The following DOK5 variants were observed in gnomAD, a reference collection of about 807,000 sequenced individuals.
DOK5 encodes the protein downstream of tyrosine kinase 5.
DOK5 carries 27 observed loss-of-function variants against 43.3 expected under a neutral mutation model. That is an observed-to-expected ratio of 0.62 (90% CI 0.46 to 0.86). The LOEUF (loss-of-function observed/expected upper bound fraction) is 0.86. Among genes scored for constraint, DOK5 ranks in the 40% least tolerant of loss-of-function variants. The pLI is 0.00. For missense variants in DOK5, 373 were observed against 392.9 expected (o/e 0.95, Z 0.43); for synonymous variants, 146 against 140.1 (o/e 1.04, Z -0.30).
chr20:54,572,206 G>C (rs1434028702), intron 2 of DOK5, among the ~76,000 whole-genome samples: 1 of 151,628 alleles, frequency 6.6e-6, no homozygotes, highest in Non-Finnish European at 1.5e-5. Context: ...TGTTGCCCAG[G>C]CTGGAGTGCA....
At chr20:54,531,764 G>T (rs1386333070) in intron 1 of DOK5, among the ~76,000 whole-genome samples, 4 of 152,178 alleles carry the variant, frequency 2.6e-5, no homozygotes, top group East Asian at 1.9e-4. Flanking sequence ...TATTCTTTAA[G>T]TTGGGGATTC....
At chr20:54,591,869 T>A (rs532319986) in intron 5 of DOK5, 64 bp downstream of exon 5, 2 of 1,448,044 alleles carry the variant, frequency 1.4e-6, no homozygotes, top group Non-Finnish European at 9.4e-7. Context: ...ATTTTTACCA[T>A]GCTCGCATCA....
At chr20:54,594,064 A>T (rs965351341) in intron 5 of DOK5, among the ~76,000 whole-genome samples, 3 of 152,222 alleles carry the variant, frequency 2.0e-5, no homozygotes, top group African/African-American at 7.2e-5. Flanking sequence ...TACCTGCATG[A>T]TGAAACAATC....
chr20:54,483,771 T>C (rs1981820086), intron 1 of DOK5, among the ~76,000 whole-genome samples: 1 of 152,236 alleles, frequency 6.6e-6, no homozygotes, highest in Non-Finnish European at 1.5e-5. Flanking sequence ...ATGTTTAAAT[T>C]AAAATAGCTT....
In DOK5 at chr20:54,643,585, G is replaced by A. The variant is rs139111389; in HGVS notation, c.856+7G>A. The A allele has an allele frequency of 1.4e-4, 220 of 1,611,218 alleles. No individual in the cohort carries two copies. In the African/African-American group the frequency reaches 2.3e-3, roughly 17 times the overall value. ...CAGCTCTACCGCTTGCAAGGTAAGCGTGGGGCTACCTGTGTCCAGGGTGTG... is the reference window on the plus strand; with the variant it reads ...CAGCTCTACCGCTTGCAAGGTAAGCATGGGGCTACCTGTGTCCAGGGTGTG... On this transcript the variant is annotated splice_region_variant and intron_variant, in intron 7 of 7. Coordinates refer to ENST00000262593, the MANE Select transcript of DOK5 (RefSeq NM_018431.5).
At chr20:54,600,759 G>A (rs1986277621) in intron 5 of DOK5, among the ~76,000 whole-genome samples, 1 of 152,192 alleles carries the variant, frequency 6.6e-6, no homozygotes, top group South Asian at 2.1e-4. Flanking sequence ...CACATGACCT[G>A]AAGCCGTTAT....
At chr20:54,559,827 T>C (rs1199997229) in intron 2 of DOK5, among the ~76,000 whole-genome samples, 1 of 152,258 alleles carries the variant, frequency 6.6e-6, no homozygotes, top group Non-Finnish European at 1.5e-5. Context: ...GGGATGATCG[T>C]TTCTACTTTA....
chr20:54,554,894 A>G lies in DOK5; in HGVS notation c.67-39A>G, dbSNP rs746303873. 4.0e-6 allele frequency: 5 copies of G among 1,264,026 alleles called. No individual in the cohort carries two copies. In the Admixed American group the frequency reaches 6.8e-5, roughly 17 times the overall value. 78.3% of individuals were successfully genotyped at this position (1,264,026 alleles called of 1,614,324 possible). ...AAACATTTAAATGCAAATGTCAGTC[A>G]GGGGAGATGCTGAGCTCAGTCTTTG... is the stretch of plus-strand genomic sequence containing the variant. On this transcript the variant is annotated intron_variant, in intron 1 of 7. Transcript: ENST00000262593.
At chr20:54,621,081 G>C (rs1405536101) in intron 6 of DOK5, among the ~76,000 whole-genome samples, 1 of 152,148 alleles carries the variant, frequency 6.6e-6, no homozygotes, top group Non-Finnish European at 1.5e-5. Context: ...GGAAATGAAT[G>C]GATATGAGGC....
intron 6 of DOK5, among the ~76,000 whole-genome samples, chr20:54,626,992 C>A (rs1978332766): frequency 6.6e-6 from 1 of 152,174 alleles, no homozygotes; most frequent in South Asian, 2.1e-4. Flanking sequence ...GATGGTGTGG[C>A]CTGCAAAGCC....
intron 1 of DOK5, among the ~76,000 whole-genome samples, chr20:54,503,356 G>A (rs1253194608): frequency 6.6e-6 from 1 of 152,158 alleles, no homozygotes; most frequent in African/African-American, 2.4e-5. Flanking sequence ...TATTGGAAAA[G>A]TAGTATAATC....
rs1311866409 is a variant in DOK5, at chr20:54,518,369, G to A, written c.67-36564G>A. On this transcript the variant is annotated intron_variant, in intron 1 of 7. Transcript: ENST00000262593. ...AATTCCCACCTATGAGTGAGAACAT[G>A]TGGTGTTTGGTTTTTTGTCCTTGTG... Among the ~76,000 whole-genome samples the A allele has an allele frequency of 2.6e-5, 4 of 151,608 alleles. No individual in the cohort carries two copies. In the East Asian group the frequency reaches 5.8e-4, roughly 22 times the overall value.
At chr20:54,549,283 A>G (rs1984446664) in intron 1 of DOK5, among the ~76,000 whole-genome samples, 1 of 152,198 alleles carries the variant, frequency 6.6e-6, no homozygotes, top group African/African-American at 2.4e-5. Context: ...ATATTTAACA[A>G]TTATCCTGAG....
chr20:54,527,162 T>TCTGTTTGA (rs1355550335), intron 1 of DOK5, among the ~76,000 whole-genome samples: 1 of 152,132 alleles, frequency 6.6e-6, no homozygotes, highest in Non-Finnish European at 1.5e-5. Flanking sequence ...ATATATGGGG[T>TCTGTTTGA]CTGTTTGACC....
chr20:54,646,840 ATTATGGGTTGT>A (rs1216527347), intron 7 of DOK5, among the ~76,000 whole-genome samples: 1 of 149,684 alleles, frequency 6.7e-6, no homozygotes, highest in Non-Finnish European at 1.5e-5. Context: ...TTTGCTGATG[ATTATGGGTTGT>A]AATTCCTCTG....
intron 5 of DOK5, among the ~76,000 whole-genome samples, chr20:54,597,419 C>T (rs964571743): frequency 2.6e-5 from 4 of 152,152 alleles, no homozygotes; most frequent in Non-Finnish European, 5.9e-5. Context: ...GGTTGAGAAA[C>T]CCTACTCTAG....
In DOK5 at chr20:54,523,113, G is replaced by A. The variant is rs186451709; in HGVS notation, c.67-31820G>A. ...AAGAGAAAGGCTTGTATTTCCTATT[G>A]GCTTCAGGGAGAAAGTTCTAACACA... On this transcript the variant is annotated intron_variant, in intron 1 of 7. Coordinates refer to ENST00000262593, the MANE Select transcript of DOK5 (RefSeq NM_018431.5). Among the ~76,000 whole-genome samples, 106 of 152,210 alleles carry A rather than the reference G, an allele frequency of 7.0e-4. 2 individuals carry two copies. The highest frequency in any genetic ancestry group is 2.3e-3 in the Admixed American group (35 of 15,296).
intron 2 of DOK5, among the ~76,000 whole-genome samples, chr20:54,587,019 A>T (rs1985825587): frequency 6.6e-6 from 1 of 152,186 alleles, no homozygotes; most frequent in Admixed American, 6.5e-5. Flanking sequence ...TGAAAAAAAA[A>T]TCTGCTATGT....
chr20:54,550,199 G>A (rs549530780), intron 1 of DOK5, among the ~76,000 whole-genome samples: 2 of 148,224 alleles, frequency 1.3e-5, no homozygotes, highest in Non-Finnish European at 3.0e-5. Flanking sequence ...AAAAAAAAAG[G>A]ACTGGAGAAG....
Sources: gnomAD v4.1 joint callset for allele counts (sites outside exome capture counted in the v4.1 genomes callset) on GRCh38, gnomAD v4.1.1 for gene constraint, MANE v1.5 for transcripts, NCBI Gene and HGNC (gene_info 2026-07-23, HGNC 2026-07-21) for gene names.